The following RAI14 variants were observed in gnomAD, a reference collection of about 807,000 sequenced individuals.
The protein encoded by RAI14 is retinoic acid induced 14.
A neutral mutation model predicts 115.4 loss-of-function variants in RAI14; 45 were observed. That is an observed-to-expected ratio of 0.39 (90% CI 0.31 to 0.50). The LOEUF (loss-of-function observed/expected upper bound fraction) is 0.50. RAI14 is among the 20% of genes least tolerant of loss of function. The pLI, the probability that RAI14 is intolerant of heterozygous loss-of-function variation, is 0.85. For synonymous variants in RAI14, 371 were observed against 415.4 expected (o/e 0.89, Z 1.30); for missense variants, 939 against 1,131.2 (o/e 0.83, Z 2.44).
chr5:34,691,113 C>T (rs914899506), intron 2 of RAI14, among the ~76,000 whole-genome samples: 2 of 151,740 alleles, frequency 1.3e-5, no homozygotes, highest in Admixed American at 6.6e-5. Context: ...TTCATGCAGG[C>T]CTTGAGGGAT....
intron 1 of RAI14, among the ~76,000 whole-genome samples, chr5:34,670,818 A>G (rs921586549): frequency 2.0e-5 from 3 of 152,220 alleles, no homozygotes; most frequent in Admixed American, 2.0e-4. Context: ...TGCATTAACA[A>G]GGTCCTCAGT....
At chr5:34,779,782 T>C (rs143266682) in intron 3 of RAI14, among the ~76,000 whole-genome samples, 238 of 152,240 alleles carry the variant, frequency 1.6e-3, no homozygotes, top group African/African-American at 5.5e-3. Context: ...ATCGTGAAAA[T>C]GGCCATACTG....
At chr5:34,817,562 T>C (rs1756405078) in intron 12 of RAI14, among the ~76,000 whole-genome samples, 1 of 152,188 alleles carries the variant, frequency 6.6e-6, no homozygotes, top group African/African-American at 2.4e-5. Context: ...GCAGCTTCAT[T>C]CACAACCTCC....
chr5:34,757,230 A>C, intron 2 of RAI14: 1 of 562,854 alleles, frequency 1.8e-6, no homozygotes, highest in South Asian at 1.5e-5. Context: ...AGTAAATTTT[A>C]TCTCAGAGTT....
At chr5:34,737,974 A>G (rs906371605) in intron 2 of RAI14, among the ~76,000 whole-genome samples, 3 of 152,206 alleles carry the variant, frequency 2.0e-5, no homozygotes, top group African/African-American at 4.8e-5. Context: ...GCAGGAACAA[A>G]TGTTCTCTGA....
chr5:34,719,320 C>T (rs762850443), intron 2 of RAI14, among the ~76,000 whole-genome samples: 12 of 152,182 alleles, frequency 7.9e-5, no homozygotes, highest in East Asian at 1.9e-4. Flanking sequence ...GAGAGCTAAA[C>T]GGAAACCTCA....
chr5:34,657,974 T>C (rs1414135885), intron 1 of RAI14, among the ~76,000 whole-genome samples: 1 of 152,210 alleles, frequency 6.6e-6, no homozygotes, highest in Non-Finnish European at 1.5e-5. Flanking sequence ...CCCCCTTGGG[T>C]TTGTAAGACA....
At chr5:34,709,096 C>G (rs1741084852) in intron 2 of RAI14, among the ~76,000 whole-genome samples, 1 of 149,058 alleles carries the variant, frequency 6.7e-6, no homozygotes, top group African/African-American at 2.5e-5. Flanking sequence ...TGCTTCTGCT[C>G]TCCAGCCTAG....
At chr5:34,658,713 G>T (rs1479925045) in intron 1 of RAI14, among the ~76,000 whole-genome samples, 2 of 152,090 alleles carry the variant, frequency 1.3e-5, no homozygotes, top group East Asian at 1.9e-4. Flanking sequence ...CAGGAGAATC[G>T]CTTGAACCCG....
At position 34,795,978 on chromosome 5, in the gene RAI14, C is replaced by T; in HGVS notation, c.207C>T (p.Leu69=). 6.2e-7 allele frequency: 1 copy of T among 1,613,476 alleles called. No individual in the cohort carries two copies. The highest frequency in any genetic ancestry group is 8.5e-7 in the Non-Finnish European group (1 of 1,179,550). Residue 69 remains leucine, a synonymous_variant, in exon 4 of 18, where the codon CTC becomes CTT. Coordinates refer to ENST00000265109, the MANE Select transcript of RAI14 (RefSeq NM_015577.3). ...CTGCAAAAGGACACGTGGAATGCCT[C>T]AGGGTCATGATTACACATGGTGTGG... ...LAAAKGHVEC[L]RVMITHGVDV...
chr5:34,677,311 G>A (rs1036951670), intron 1 of RAI14, among the ~76,000 whole-genome samples: 7 of 151,376 alleles, frequency 4.6e-5, no homozygotes, highest in African/African-American at 1.7e-4. Context: ...TTATGGGTGC[G>A]CACCACCACA....
intron 2 of RAI14, among the ~76,000 whole-genome samples, chr5:34,692,177 C>T (rs368835392): frequency 3.9e-5 from 6 of 152,216 alleles, no homozygotes; most frequent in South Asian, 2.1e-4. Flanking sequence ...GCAGGAGAAT[C>T]GCTTGAACCC....
In RAI14 at chr5:34,755,294, A is replaced by G. The variant is rs530908992; in HGVS notation, c.37-2174A>G. Among the ~76,000 whole-genome samples the G allele has an allele frequency of 9.2e-5, 14 of 152,258 alleles. No individual in the cohort carries two copies. In the East Asian group the frequency reaches 2.5e-3, roughly 27 times the overall value. The stretch of plus-strand genomic sequence containing the variant: ...ATTGGTAACTAAAGACAAAAATCTC[A>G]TTTCTTTGTGAGTAAATTGCTGTAG... On this transcript the variant is annotated intron_variant, in intron 2 of 17. Coordinates refer to ENST00000265109, the MANE Select transcript of RAI14 (RefSeq NM_015577.3).
At chr5:34,756,934 CTGG>C (rs1277691964) in intron 2 of RAI14, among the ~76,000 whole-genome samples, 5 of 152,202 alleles carry the variant, frequency 3.3e-5, no homozygotes, top group African/African-American at 1.2e-4. Context: ...AGTCGGTAGC[CTGG>C]ACAACTACTT....
chr5:34,724,924 T>C (rs989703619), intron 2 of RAI14, among the ~76,000 whole-genome samples: 9 of 152,134 alleles, frequency 5.9e-5, no homozygotes, highest in Non-Finnish European at 1.3e-4. Flanking sequence ...GGCAATAGGC[T>C]CTGGGAGAAT....
At chr5:34,788,016 A>G (rs1297400614) in intron 3 of RAI14, among the ~76,000 whole-genome samples, 2 of 144,342 alleles carry the variant, frequency 1.4e-5, no homozygotes, top group African/African-American at 2.6e-5. Flanking sequence ...TTCCAGGCTC[A>G]TGCTATCCTT....
In RAI14 at chr5:34,798,325, C is replaced by T. The variant is rs1454083609; in HGVS notation, c.256+2298C>T. Among the ~76,000 whole-genome samples, 4 of 150,792 alleles carry T rather than the reference C, an allele frequency of 2.7e-5. No homozygotes were observed. The Admixed American group carries it at 2.7e-4, about 10-fold the overall frequency. On this transcript the variant is annotated intron_variant, in intron 4 of 17. Coordinates refer to ENST00000265109, the MANE Select transcript of RAI14 (RefSeq NM_015577.3). ...AAGTGCTGGAATTACAGGCGTGAGCCACCAAGCCCGGCCAGAATAAGTTTT... is the reference window on the plus strand; with the variant it reads ...AAGTGCTGGAATTACAGGCGTGAGCTACCAAGCCCGGCCAGAATAAGTTTT...
chr5:34,711,688 C>T (rs574929237), intron 2 of RAI14, among the ~76,000 whole-genome samples: 1 of 152,284 alleles, frequency 6.6e-6, no homozygotes, highest in South Asian at 2.1e-4. Context: ...AGCAAGAAGA[C>T]AGCTGTCTAT....
At position 34,823,453 on chromosome 5, in the gene RAI14, G is replaced by T. The variant is rs540738294; in HGVS notation, c.1611G>T (p.Gln537His). ...VTEEEINVLKQDLQNALEESE... is the reference protein window; with the variant it reads ...VTEEEINVLKHDLQNALEESE... ...AAGAGGAAATAAATGTGCTAAAGCA[G>T]GATCTGCAGAATGCATTAGAAGAAA... Residue 537 changes from glutamine (Q) to histidine (H), a missense_variant, in exon 15 of 18, where the codon CAG becomes CAT. Physicochemically the swap from Gln to His is conservative, Grantham distance 24 (BLOSUM62 0). Transcript: ENST00000265109. This position sits in a 1 kb window ranked among gnomAD's most constrained non-coding sequence, Gnocchi z 4.5. 18 of 1,614,112 alleles carry T rather than the reference G, an allele frequency of 1.1e-5. No homozygotes were observed. The South Asian group carries it at 1.8e-4, about 16-fold the overall frequency.
Sources: gnomAD v4.1 joint callset for allele counts (sites outside exome capture counted in the v4.1 genomes callset) on GRCh38, gnomAD v4.1.1 for gene constraint, Gnocchi (gnomAD v3.1) non-coding constraint, MANE v1.5 for transcripts, NCBI Gene and HGNC (gene_info 2026-07-23, HGNC 2026-07-21) for gene names.